Variants in CLIP1 observed in about 807,000 individuals in gnomAD.
CLIP1 encodes the protein CAP-Gly domain-containing linker protein 1.
CLIP1 carries 66 observed loss-of-function variants against 161.6 expected under a neutral mutation model. That is an observed-to-expected ratio of 0.41 (90% confidence interval 0.33 to 0.50). CLIP1 has a LOEUF of 0.50. CLIP1 is among the 20% of genes least tolerant of loss of function. The pLI, the probability that CLIP1 is intolerant of heterozygous loss-of-function variation, is 0.27. For missense variants in CLIP1, 1,376 were observed against 1,702.0 expected (o/e 0.81, Z 3.37); for synonymous variants, 598 against 626.2 (o/e 0.96, Z 0.67).
intron 24 of CLIP1, chr12:122,276,493 A>T: frequency 7.8e-7 from 1 of 1,288,964 alleles, no homozygotes; most frequent in Non-Finnish European, 1.0e-6. Context: ...AAACCGAAGC[A>T]GAAAGGAAGG....
chr12:122,421,548 T>C (rs1046274954), intron 1 of CLIP1, among the ~76,000 whole-genome samples: 1 of 152,062 alleles, frequency 6.6e-6, no homozygotes, highest in Admixed American at 6.6e-5. Context: ...ACACACACAA[T>C]TACAGAATCT....
At chr12:122,285,228 C>CT (rs56813970) in intron 21 of CLIP1, among the ~76,000 whole-genome samples, 251 of 136,530 alleles carry the variant, frequency 1.8e-3, no homozygotes, top group East Asian at 7.2e-3. Flanking sequence ...GATACCAGTC[C>CT]TTTTTTTTTT....
At chr12:122,313,293 G>A (rs916599850) in intron 19 of CLIP1, among the ~76,000 whole-genome samples, 6 of 152,194 alleles carry the variant, frequency 3.9e-5, no homozygotes, top group African/African-American at 1.4e-4. Context: ...AATGTGTTCA[G>A]GGATCAGAGG....
At chr12:122,278,106 G>T in intron 24 of CLIP1, 48 bp downstream of exon 24, 1 of 1,535,716 alleles carries the variant, frequency 6.5e-7, no homozygotes, top group East Asian at 2.3e-5. Context: ...AAGATTCAAT[G>T]ATTTTGAAAA....
chr12:122,372,192 G>A (rs1954485530), intron 3 of CLIP1, among the ~76,000 whole-genome samples: 5 of 152,030 alleles, frequency 3.3e-5, no homozygotes, highest in South Asian at 2.1e-4. Context: ...AGGCCGAGGC[G>A]AGCAGATCAC....
chr12:122,310,419 C>T (rs910176582), intron 19 of CLIP1, among the ~76,000 whole-genome samples: 8 of 152,120 alleles, frequency 5.3e-5, no homozygotes, highest in Admixed American at 2.0e-4. Flanking sequence ...CAACTAGAGG[C>T]GGAATGCCCC....
rs368866909 is a variant in CLIP1, at chr12:122,284,152, A to C, written c.3647+4337T>G. On this transcript the variant is annotated intron_variant, in intron 21 of 25. Coordinates refer to ENST00000620786, the MANE Select transcript of CLIP1 (RefSeq NM_001247997.2). Reference sequence around the variant, plus strand: ...ACAGAAATAACTTTCCATAAGGGTTAATTAACAAACAAACAAAAAACACTT... The same window carrying C: ...ACAGAAATAACTTTCCATAAGGGTTCATTAACAAACAAACAAAAAACACTT... Among the ~76,000 whole-genome samples, 24 of 152,250 alleles carry C rather than the reference A, an allele frequency of 1.6e-4. 1 individual carries two copies. In the East Asian group the frequency reaches 4.1e-3, roughly 26 times the overall value.
At chr12:122,324,184 CCA>C (rs1323878063) in intron 17 of CLIP1, 2 of 152,694 alleles carry the variant, frequency 1.3e-5, no homozygotes, top group East Asian at 3.9e-4. Context: ...CATTCACTGA[CCA>C]CAGTTTCTGC....
At chr12:122,326,816 T>A (rs1464481366) in intron 17 of CLIP1, among the ~76,000 whole-genome samples, 1 of 151,400 alleles carries the variant, frequency 6.6e-6, no homozygotes, top group East Asian at 1.9e-4. Flanking sequence ...AGACAAAAGA[T>A]CTGGGAATTG....
chr12:122,364,691 C>T, intron 3 of CLIP1: 2 of 484,984 alleles, frequency 4.1e-6, no homozygotes, highest in Non-Finnish European at 8.1e-6. Context: ...AGGCGTGAGC[C>T]ACCACTCTTG....
At chr12:122,302,917 A>G (rs1453851512) in intron 20 of CLIP1, among the ~76,000 whole-genome samples, 1 of 152,000 alleles carries the variant, frequency 6.6e-6, no homozygotes, top group Non-Finnish European at 1.5e-5. Flanking sequence ...TACATTTTTG[A>G]GACAGGGTCT....
At chr12:122,413,443 T>C (rs1032089871) in intron 1 of CLIP1, among the ~76,000 whole-genome samples, 3 of 152,198 alleles carry the variant, frequency 2.0e-5, no homozygotes, top group Admixed American at 6.6e-5. Context: ...GGAGAAGATA[T>C]TATAAATCAA....
intron 1 of CLIP1, among the ~76,000 whole-genome samples, chr12:122,390,193 ATAT>A (rs1470743783): frequency 1.5e-5 from 2 of 133,820 alleles, no homozygotes; most frequent in Middle Eastern, 3.4e-3. Context: ...ATATATATAT[ATAT>A]AATATATATA....
chr12:122,411,694 A>G (rs1281961273), intron 1 of CLIP1, among the ~76,000 whole-genome samples: 1 of 152,238 alleles, frequency 6.6e-6, no homozygotes, highest in Non-Finnish European at 1.5e-5. Context: ...ACAAATCTGT[A>G]GAGACGAGAG....
At position 122,334,102 on chromosome 12, in the gene CLIP1, T is replaced by G; in HGVS notation, c.2635A>C (p.Asn879His). The G allele has an allele frequency of 6.2e-7, 1 of 1,602,978 alleles. No individual in the cohort carries two copies. Among genetic ancestry groups the G allele is most frequent in the Middle Eastern group, 1.7e-4 (1 of 6,034 alleles). The change falls in exon 14 of 26, where the codon AAT becomes CAT. Residue 879 changes from asparagine to histidine, a missense_variant. Asn to His is a moderately conservative substitution (Grantham distance 68). Around this residue, in one of 6 missense-constraint regions of CLIP1, gnomAD observed 948 missense variants for 1,134.8 expected, o/e 0.84. Coordinates refer to ENST00000620786, the MANE Select transcript of CLIP1 (RefSeq NM_001247997.2). ...SVQRSMQETV[N>H]KLHQKEEQFN... Reference sequence around the variant, plus strand: ...TGTTCCTCCTTTTGGTGTAACTTATTTACAGTTTCTATTTAGGATAAAAGT... The same window carrying G: ...TGTTCCTCCTTTTGGTGTAACTTATGTACAGTTTCTATTTAGGATAAAAGT...
Position 122,370,970 on chromosome 12 carries a change from G to GA in CLIP1, c.657+6418dup, listed in dbSNP as rs10548483. On this transcript the variant is annotated intron_variant, in intron 3 of 25. Transcript: ENST00000620786. The stretch of plus-strand genomic sequence containing the variant: ...AGGACTCTGTCTCAAAAAAAAAAAA[G>GA]AAAAAAAAAAAAATCACCTCTTCTA... Among the ~76,000 whole-genome samples the GA allele has an allele frequency of 3.1e-3, 233 of 75,040 alleles. 1 individual carries two copies. Among genetic ancestry groups the GA allele is most frequent in the Middle Eastern group, 0.015 (2 of 134 alleles). 49.2% of individuals were successfully genotyped at this position (75,040 alleles called of 152,430 possible). A position where few individuals can be genotyped will look rare whatever the true frequency, so the allele number is the denominator to read the frequency against.
At chr12:122,283,388 AC>A (rs1455631096) in intron 21 of CLIP1, among the ~76,000 whole-genome samples, 5 of 152,030 alleles carry the variant, frequency 3.3e-5, no homozygotes, top group Non-Finnish European at 4.4e-5. Context: ...AAAACAAAAA[AC>A]AAAAAGAAAA....
chr12:122,312,330 G>T (rs551931879), intron 19 of CLIP1, among the ~76,000 whole-genome samples: 1 of 152,138 alleles, frequency 6.6e-6, no homozygotes, highest in Non-Finnish European at 1.5e-5. Context: ...ATCTACAACT[G>T]AAAATAGGAG....
At chr12:122,362,014 C>T (rs1164849639) in intron 4 of CLIP1, among the ~76,000 whole-genome samples, 1 of 151,460 alleles carries the variant, frequency 6.6e-6, no homozygotes, top group Non-Finnish European at 1.5e-5. Flanking sequence ...AGTGCAGCGG[C>T]GCAATCTCAG....
Sources: allele counts gnomAD v4.1 joint callset (sites outside exome capture counted in the v4.1 genomes callset), GRCh38; gene constraint gnomAD v4.1.1; regional missense constraint gnomAD v4.1.1; transcripts MANE v1.5; gene names NCBI Gene and HGNC (gene_info 2026-07-23, HGNC 2026-07-21).